ELFN2: variants seen among roughly 807,000 people sequenced by gnomAD.
ELFN2 encodes the protein protein phosphatase 1 regulatory subunit 29.
A neutral mutation model predicts 45.5 loss-of-function variants in ELFN2; 17 were observed. The ratio of observed to expected loss-of-function variants is 0.37; its 90% CI spans 0.26 to 0.56. The LOEUF (loss-of-function observed/expected upper bound fraction) is 0.56. ELFN2 is among the 20% of genes least tolerant of loss of function. The pLI, the probability that ELFN2 is intolerant of heterozygous loss-of-function variation, is 0.77. For missense variants in ELFN2, 922 were observed against 1,183.2 expected (o/e 0.78, Z 3.24); for synonymous variants, 550 against 551.5 (o/e 1.00, Z 0.04).
intron 2 of ELFN2, among the ~76,000 whole-genome samples, chr22:37,393,059 G>A (rs1197760702): frequency 6.6e-6 from 1 of 152,108 alleles, no homozygotes; most frequent in African/African-American, 2.4e-5. Context: ...TCACAGAGGG[G>A]GACAGCGCCC....
rs183531050 is a variant in ELFN2 at position 37,359,927 on chromosome 22, C to T, written n.149-17224G>A. Among the ~76,000 whole-genome samples the T allele has an allele frequency of 1.2e-3, 182 of 152,322 alleles. 3 individuals are homozygous for T. The highest frequency in any genetic ancestry group is 0.011 in the Admixed American group (163 of 15,304). ...GAGGAGTTCTGCAGTCATGTTTATA[C>T]CCACTTTTCATCACATGCAAATTAA... On this transcript the variant is annotated intron_variant and non_coding_transcript_variant, in intron 1 of 2. Coordinates refer to ENST00000452946, the Ensembl canonical transcript of ELFN2.
At chr22:37,342,390 C>A (rs1363233010) in intron 2 of ELFN2, among the ~76,000 whole-genome samples, 1 of 152,182 alleles carries the variant, frequency 6.6e-6, no homozygotes, top group Admixed American at 6.5e-5. Context: ...TCCTGCCCAC[C>A]CCCTGTCCTC....
At position 37,373,004 on chromosome 22, in the gene ELFN2, G is replaced by T. The variant is rs144435849; in HGVS notation, c.*68C>A. Reference sequence around the variant, plus strand: ...CCCGAGTCTGCTCCCCGCCCTGGCCGCCTGGACCCTTCCCCCAAAAGGCCC... The same window carrying T: ...CCCGAGTCTGCTCCCCGCCCTGGCCTCCTGGACCCTTCCCCCAAAAGGCCC... On this transcript the variant is annotated 3_prime_UTR_variant, in exon 3 of 3. Coordinates refer to ENST00000402918, the MANE Select transcript of ELFN2 (RefSeq NM_052906.5). The T allele has an allele frequency of 0.039, 58,395 of 1,513,428 alleles. 1,410 individuals carry two copies. The highest frequency in any genetic ancestry group is 0.087 in the South Asian group (6,727 of 77,220). 93.7% of individuals were successfully genotyped at this position (1,513,428 alleles called of 1,614,324 possible).
chr22:37,412,742 C>T (rs1458695002), intron 2 of ELFN2, among the ~76,000 whole-genome samples: 6 of 152,246 alleles, frequency 3.9e-5, no homozygotes, highest in South Asian at 2.1e-4. Context: ...TGGACTGGCG[C>T]GGCTGCCAGC....
rs376437729 is a variant in ELFN2 at position 37,425,957 on chromosome 22, G to A, written c.-614+1341C>T. 5.3e-5 allele frequency among the ~76,000 whole-genome samples: 8 copies of A among 151,148 alleles called. No homozygotes were observed. The East Asian group carries it at 7.8e-4, about 15-fold the overall frequency. On this transcript the variant is annotated intron_variant, in intron 1 of 2. Coordinates refer to ENST00000402918, the MANE Select transcript of ELFN2 (RefSeq NM_052906.5). The stretch of plus-strand genomic sequence containing the variant: ...TAAAACGCCTCTCGGTAACCGCGCC[G>A]GGCAGTCCGCGCCCCACAGCTTCCA...
At chr22:37,385,580 T>C (rs1244904553) in intron 2 of ELFN2, among the ~76,000 whole-genome samples, 1 of 152,192 alleles carries the variant, frequency 6.6e-6, no homozygotes, top group Non-Finnish European at 1.5e-5. Flanking sequence ...TCCCTGCCTC[T>C]CTGGTTTAGG....
Position 37,401,836 on chromosome 22 carries a change from C to T in ELFN2, c.-463+15933G>A, listed in dbSNP as rs114272806. On this transcript the variant is annotated intron_variant, in intron 2 of 2. Coordinates refer to ENST00000402918, the MANE Select transcript of ELFN2 (RefSeq NM_052906.5). ...TCTTCCCCAGCTCCACAACACCCTTCGTTTGTTTAATTTTGCTTCTCCTCT... is the reference window on the plus strand; with the variant it reads ...TCTTCCCCAGCTCCACAACACCCTTTGTTTGTTTAATTTTGCTTCTCCTCT... Among the ~76,000 whole-genome samples the T allele has an allele frequency of 7.0e-3, 1,059 of 152,340 alleles. 16 individuals are homozygous for T. Among genetic ancestry groups the T allele is most frequent in the African/African-American group, 0.024 (1,018 of 41,574 alleles).
intron 1 of ELFN2, among the ~76,000 whole-genome samples, chr22:37,359,314 G>A (rs536923904): frequency 6.6e-4 from 100 of 152,272 alleles, no homozygotes; most frequent in African/African-American, 2.3e-3. Context: ...CAAGGGGCTC[G>A]GCTTTGCCCT....
intron 2 of ELFN2, among the ~76,000 whole-genome samples, chr22:37,402,210 C>T (rs1932380788): frequency 6.6e-6 from 1 of 152,200 alleles, no homozygotes; most frequent in Admixed American, 6.5e-5. Context: ...AAATGTTAGC[C>T]CATGCTATTA....
chr22:37,409,385 G>A lies in ELFN2; in HGVS notation c.-463+8384C>T, dbSNP rs141128198. On this transcript the variant is annotated intron_variant, in intron 2 of 2. Coordinates refer to ENST00000402918, the MANE Select transcript of ELFN2 (RefSeq NM_052906.5). ...ACAGCAGGGAACAGCGTGGTCTCCC[G>A]GCACCACCTTCCAAGTCCCTGGGTA... is the stretch of plus-strand genomic sequence containing the variant. Among the ~76,000 whole-genome samples, 416 of 152,252 alleles carry A rather than the reference G, an allele frequency of 2.7e-3. 5 individuals carry two copies. Among genetic ancestry groups the A allele is most frequent in the African/African-American group, 9.2e-3 (381 of 41,552 alleles).
chr22:37,384,071 C>T (rs1454665030), intron 2 of ELFN2, among the ~76,000 whole-genome samples: 1 of 152,130 alleles, frequency 6.6e-6, no homozygotes, highest in Non-Finnish European at 1.5e-5. Context: ...CTCACCCGGT[C>T]CCCGTGCCTC....
chr22:37,378,876 C>G (rs752277942), intron 2 of ELFN2, among the ~76,000 whole-genome samples: 2 of 152,388 alleles, frequency 1.3e-5, no homozygotes, highest in Admixed American at 6.5e-5. Context: ...CAGCTGTTCA[C>G]GCACTCAAGG....
chr22:37,391,389 C>A (rs938527832), intron 2 of ELFN2, among the ~76,000 whole-genome samples: 11 of 152,092 alleles, frequency 7.2e-5, no homozygotes, highest in African/African-American at 2.4e-4. Context: ...TGAAAATCAC[C>A]CTGGGAACAC....
At chr22:37,365,266 T>G (rs1443289588), downstream of ELFN2, among the ~76,000 whole-genome samples, 2 of 152,208 alleles carry the variant, frequency 1.3e-5, no homozygotes, top group Non-Finnish European at 2.9e-5. Flanking sequence ...GGAAAACATT[T>G]ATAGTTGTTG....
chr22:37,398,857 C>T (rs953001763), intron 2 of ELFN2, among the ~76,000 whole-genome samples: 1 of 152,112 alleles, frequency 6.6e-6, no homozygotes, highest in Non-Finnish European at 1.5e-5. Context: ...TCTACTTCCA[C>T]TCCTGCCTTA....
chr22:37,421,571 C>T (rs1932809184), intron 1 of ELFN2, among the ~76,000 whole-genome samples: 1 of 152,196 alleles, frequency 6.6e-6, no homozygotes, highest in South Asian at 2.1e-4. Context: ...TCTCACCTCT[C>T]CTCCAGGGCC....
chr22:37,418,112 G>C (rs1037348968), intron 1 of ELFN2, among the ~76,000 whole-genome samples, 193 bp from the exon 2 acceptor site: 5 of 152,166 alleles, frequency 3.3e-5, no homozygotes, highest in Admixed American at 3.3e-4. Context: ...GAGGTAAAGG[G>C]AGAGGAGGAA....
At chr22:37,412,072 T>C (rs914600032) in intron 2 of ELFN2, among the ~76,000 whole-genome samples, 1 of 151,956 alleles carries the variant, frequency 6.6e-6, no homozygotes, top group Non-Finnish European at 1.5e-5. Context: ...CGCCTCAGTC[T>C]GTACACTCAG....
chr22:37,418,944 A>G (rs917346902), intron 1 of ELFN2: 2 of 151,784 alleles, frequency 1.3e-5, no homozygotes, highest in African/African-American at 4.9e-5. Flanking sequence ...CTGCGCAAAC[A>G]CGTGCGCACA....
Sources: allele counts gnomAD v4.1 joint callset (sites outside exome capture counted in the v4.1 genomes callset), GRCh38; gene constraint gnomAD v4.1.1; transcripts MANE v1.5; gene names NCBI Gene and HGNC (gene_info 2026-07-23, HGNC 2026-07-21).